LINGO2: variants seen among roughly 807,000 people sequenced by gnomAD.
LINGO2 encodes leucine rich repeat and Ig domain containing 2, also known as leucine-rich repeat and immunoglobulin-like domain-containing nogo receptor-interacting protein 2.
In LINGO2, 14 loss-of-function variants were observed where a neutral mutation model predicts 30.6. That is an observed-to-expected ratio of 0.46 (90% CI 0.30 to 0.72). The LOEUF is 0.72. Among genes scored for constraint, LINGO2 ranks in the 30% least tolerant of loss-of-function variants. LINGO2 has a pLI of 0.07. For missense variants in LINGO2, 729 were observed against 751.7 expected, an observed-to-expected ratio of 0.97 and a Z score of 0.35; for synonymous variants, 317 against 288.5, an observed-to-expected ratio of 1.10 and a Z score of -1.00.
chr9:28,683,619 T>C, the LINGO2 span, among the ~76,000 whole-genome samples: 2 of 152,182 alleles, frequency 1.3e-5, no homozygotes, highest in Non-Finnish European at 2.9e-5. Context: ...GGTTCTCTCC[T>C]AGATGCCCAT....
At chr9:28,689,677 G>A in the LINGO2 span, among the ~76,000 whole-genome samples, 37,599 of 151,954 alleles carry the variant, frequency 0.25, 6,281 homozygotes, top group African/African-American at 0.46. Context: ...AGGTAGAAAT[G>A]TCATCTGACC....
chr9:28,713,824 T>A, the LINGO2 span, among the ~76,000 whole-genome samples: 1 of 152,104 alleles, frequency 6.6e-6, no homozygotes, highest in Non-Finnish European at 1.5e-5. Context: ...ATAATTCTAC[T>A]GTCTTACTAT....
the LINGO2 span, among the ~76,000 whole-genome samples, chr9:28,976,804 T>C: frequency 2.6e-5 from 4 of 152,006 alleles, no homozygotes; most frequent in African/African-American, 7.2e-5. Context: ...TTATCTCCAA[T>C]TGATGTTTAT....
chr9:28,895,072 C>T, the LINGO2 span, among the ~76,000 whole-genome samples: 1 of 152,054 alleles, frequency 6.6e-6, no homozygotes, highest in South Asian at 2.1e-4. Context: ...GTTTCTATTG[C>T]TGCACCTGTC....
At chr9:28,424,717 A>G (rs962305820) in intron 2 of LINGO2, among the ~76,000 whole-genome samples, 1 of 152,166 alleles carries the variant, frequency 6.6e-6, no homozygotes, top group African/African-American at 2.4e-5. Context: ...TATTCCAGTT[A>G]TTACAACAAG....
intron 4 of LINGO2, among the ~76,000 whole-genome samples, chr9:28,077,574 A>AT (rs1248769068): frequency 1.5e-5 from 2 of 135,092 alleles, no homozygotes; most frequent in African/African-American, 3.9e-5. Context: ...CTATTATCTT[A>AT]TTTTTTTCAT....
chr9:28,380,706 A>T (rs1254287099), intron 2 of LINGO2, among the ~76,000 whole-genome samples: 1 of 152,084 alleles, frequency 6.6e-6, no homozygotes, highest in Non-Finnish European at 1.5e-5. Context: ...TTCTTAAAAG[A>T]GATAGTATAA....
chr9:28,916,014 AG>A, the LINGO2 span, among the ~76,000 whole-genome samples: 3 of 152,182 alleles, frequency 2.0e-5, no homozygotes, highest in Admixed American at 6.5e-5. Context: ...CTCTTGGCCA[AG>A]GGCTTTCCAA....
In LINGO2 at chr9:28,278,439, C is replaced by G. The variant is rs147591611; in HGVS notation, c.-87+16769G>C. 2.0e-3 allele frequency among the ~76,000 whole-genome samples: 312 copies of G among 152,292 alleles called. 1 individual carries two copies. The highest frequency in any genetic ancestry group is 3.7e-3 in the Non-Finnish European group (249 of 68,024). ...TGGCTACAAAGCCTCAAAGGACATG[C>G]TGATCCTCTTGTTAGGGGCTAATGC... On this transcript the variant is annotated intron_variant, in intron 4 of 5. Coordinates refer to ENST00000379992, the Ensembl canonical transcript of LINGO2.
At chr9:28,374,206 T>A (rs12350258) in intron 2 of LINGO2, among the ~76,000 whole-genome samples, 56,059 of 109,434 alleles carry the variant, frequency 0.51, 12,199 homozygotes, top group Non-Finnish European at 0.6. Flanking sequence ...AAATATGTTT[T>A]TATTTATATA....
the LINGO2 span, among the ~76,000 whole-genome samples, chr9:28,847,608 A>T: frequency 6.8e-6 from 1 of 146,190 alleles, no homozygotes; most frequent in East Asian, 2.0e-4. Flanking sequence ...ACATGTCAAG[A>T]CTAGAAAATT....
At chr9:28,530,112 A>T (rs1388936009) in intron 1 of LINGO2, among the ~76,000 whole-genome samples, 1 of 152,020 alleles carries the variant, frequency 6.6e-6, no homozygotes, top group Non-Finnish European at 1.5e-5. Flanking sequence ...CCTTTGAAAG[A>T]TGAGCTGAAT....
At chr9:28,702,209 C>T in the LINGO2 span, among the ~76,000 whole-genome samples, 1 of 151,946 alleles carries the variant, frequency 6.6e-6, no homozygotes. Flanking sequence ...CTTATCTTAG[C>T]TGGAAAGCTT....
the LINGO2 span, among the ~76,000 whole-genome samples, chr9:28,745,399 G>C: frequency 6.6e-6 from 1 of 151,914 alleles, no homozygotes; most frequent in Non-Finnish European, 1.5e-5. Context: ...CATAATATGG[G>C]GTTGGGGTAA....
At chr9:29,099,403 G>A in the LINGO2 span, among the ~76,000 whole-genome samples, 1 of 152,162 alleles carries the variant, frequency 6.6e-6, no homozygotes, top group Middle Eastern at 3.4e-3. Flanking sequence ...AAGATAAAAA[G>A]CTTCTGCAAT....
chr9:28,292,695 C>A (rs1264055147), intron 4 of LINGO2, among the ~76,000 whole-genome samples: 1 of 152,054 alleles, frequency 6.6e-6, no homozygotes. Flanking sequence ...AACTCCTGAT[C>A]TCAGGTGATC....
the LINGO2 span, among the ~76,000 whole-genome samples, chr9:29,162,576 A>C: frequency 2.0e-5 from 3 of 152,202 alleles, no homozygotes; most frequent in African/African-American, 7.2e-5. Context: ...TGAAGTAATG[A>C]ATCAATGGAT....
At chr9:28,732,332 C>T in the LINGO2 span, among the ~76,000 whole-genome samples, 2 of 151,202 alleles carry the variant, frequency 1.3e-5, no homozygotes, top group South Asian at 2.1e-4. Flanking sequence ...AAATATCATA[C>T]AACAGGGGTT....
At chr9:28,426,523 G>A (rs774281443) in intron 2 of LINGO2, among the ~76,000 whole-genome samples, 3 of 152,078 alleles carry the variant, frequency 2.0e-5, no homozygotes, top group African/African-American at 7.2e-5. Context: ...TGGTAGAAAA[G>A]CAATCAAAAC....
Sources: gnomAD v4.1 joint callset for allele counts (sites outside exome capture counted in the v4.1 genomes callset) on GRCh38, gnomAD v4.1.1 for gene constraint, MANE v1.5 for transcripts, NCBI Gene and HGNC (gene_info 2026-07-23, HGNC 2026-07-21) for gene names.